The following SBNO1 variants were observed in gnomAD, a reference collection of about 807,000 sequenced individuals.
SBNO1 encodes protein strawberry notch homolog 1.
SBNO1 carries 23 observed loss-of-function variants against 173.6 expected under a neutral mutation model. That is an observed-to-expected ratio of 0.13 (90% confidence interval 0.10 to 0.19). The LOEUF (loss-of-function observed/expected upper bound fraction) is 0.19. Ranked by LOEUF, SBNO1 falls within the 10% of genes least tolerant of loss-of-function variation. The probability of loss-of-function intolerance (pLI) is 1.00; values close to 1 mark genes in which losing one functional copy is unlikely to be tolerated. For missense variants in SBNO1, 1,238 were observed against 1,671.2 expected, an observed-to-expected ratio of 0.74 and a Z score of 4.52; for synonymous variants, 632 against 571.5, an observed-to-expected ratio of 1.11 and a Z score of -1.51.
intron 9 of SBNO1, among the ~76,000 whole-genome samples, chr12:123,329,362 C>T (rs893629947): frequency 2.7e-5 from 4 of 148,494 alleles, no homozygotes; most frequent in African/African-American, 1.0e-4. Flanking sequence ...GCCTGGGCAA[C>T]AGAGCTGAGA....
At chr12:123,358,510 T>C (rs1373894393) in intron 1 of SBNO1, among the ~76,000 whole-genome samples, 1 of 151,776 alleles carries the variant, frequency 6.6e-6, no homozygotes, top group Admixed American at 6.6e-5. Flanking sequence ...TCCCAGCACT[T>C]TGGGAGGCCG....
chr12:123,360,800 A>G (rs1875062565), intron 1 of SBNO1, among the ~76,000 whole-genome samples: 1 of 152,036 alleles, frequency 6.6e-6, no homozygotes, highest in Non-Finnish European at 1.5e-5. Context: ...CTTTTTCAAC[A>G]GTACTTTCAG....
chr12:123,361,946 C>T (rs1359196755), intron 1 of SBNO1, among the ~76,000 whole-genome samples: 1 of 150,224 alleles, frequency 6.7e-6, no homozygotes, highest in Non-Finnish European at 1.5e-5. Flanking sequence ...TGAGACCAGC[C>T]TGGCCAATAT....
At chr12:123,314,087 A>T (rs1054624307) in intron 23 of SBNO1, among the ~76,000 whole-genome samples, 1 of 152,130 alleles carries the variant, frequency 6.6e-6, no homozygotes, top group Non-Finnish European at 1.5e-5. Context: ...ACTCCCTCTC[A>T]ACAAAACCCC....
chr12:123,362,150 G>C (rs1355067266), intron 1 of SBNO1, among the ~76,000 whole-genome samples: 2 of 129,450 alleles, frequency 1.5e-5, no homozygotes, highest in Non-Finnish European at 3.3e-5. Flanking sequence ...AAAAAAAAAA[G>C]ATTCTGTTGG....
At position 123,345,789 on chromosome 12, in the gene SBNO1, C is replaced by T. The variant is rs185808608; in HGVS notation, c.238-219G>A. ...GGCTCAAGTGATTCTTGTACCTCAA[C>T]CTCTGAAGTAGCTGGGACTACAGGT... On this transcript the variant is annotated intron_variant, in intron 3 of 31. Coordinates refer to ENST00000602398, the MANE Select transcript of SBNO1 (RefSeq NM_001167856.3). Among the ~76,000 whole-genome samples, 450 of 152,138 alleles carry T rather than the reference C, an allele frequency of 3.0e-3. 2 individuals are homozygous for T. Among genetic ancestry groups the T allele is most frequent in the African/African-American group, 0.01 (431 of 41,506 alleles).
At chr12:123,303,704 C>T (rs2048847813) in intron 29 of SBNO1, among the ~76,000 whole-genome samples, 1 of 151,862 alleles carries the variant, frequency 6.6e-6, no homozygotes, top group Non-Finnish European at 1.5e-5. Context: ...TGACACTTTC[C>T]TTAAACCAGG....
intron 19 of SBNO1, 121 bp downstream of exon 19, chr12:123,320,311 G>A (rs1212005044): frequency 2.9e-6 from 3 of 1,027,360 alleles, no homozygotes; most frequent in African/African-American, 3.2e-5. Context: ...GGCAACTAAA[G>A]TAGAACAAGA....
At chr12:123,308,323 A>G (rs866043537) in intron 28 of SBNO1, among the ~76,000 whole-genome samples, 1 of 152,212 alleles carries the variant, frequency 6.6e-6, no homozygotes, top group African/African-American at 2.4e-5. Flanking sequence ...TCTTAAAGAT[A>G]TAAAGCATTA....
At chr12:123,313,592 C>CA (rs1268082782) in intron 24 of SBNO1, 28 bp downstream of exon 24, 4 of 1,143,044 alleles carry the variant, frequency 3.5e-6, no homozygotes, top group Non-Finnish European at 5.2e-6. Flanking sequence ...TAATCATTGT[C>CA]ATTGTTATGA....
intron 30 of SBNO1, among the ~76,000 whole-genome samples, 162 bp from the exon 31 acceptor site, chr12:123,298,333 C>A (rs1473787162): frequency 6.6e-6 from 1 of 151,994 alleles, no homozygotes; most frequent in African/African-American, 2.4e-5. Flanking sequence ...GTGGTGCGAT[C>A]TCGGCTCATT....
intron 23 of SBNO1, among the ~76,000 whole-genome samples, chr12:123,315,053 T>TA (rs1869117094): frequency 6.6e-6 from 1 of 152,258 alleles, no homozygotes; most frequent in South Asian, 2.1e-4. Context: ...TTTATATATA[T>TA]TTTATACTGC....
chr12:123,308,151 G>C (rs2048966926), intron 28 of SBNO1, among the ~76,000 whole-genome samples: 1 of 152,124 alleles, frequency 6.6e-6, no homozygotes, highest in Non-Finnish European at 1.5e-5. Flanking sequence ...TCTTGGATCT[G>C]AGTAAGTAAA....
intron 1 of SBNO1, among the ~76,000 whole-genome samples, chr12:123,362,980 C>T (rs1360358037): frequency 3.3e-5 from 5 of 151,802 alleles, no homozygotes; most frequent in Admixed American, 2.0e-4. Context: ...CCAGCTACTC[C>T]GGAGGCTGAA....
chr12:123,327,277 C>G, intron 13 of SBNO1, 149 bp downstream of exon 13: 1 of 668,808 alleles, frequency 1.5e-6, no homozygotes, highest in Non-Finnish European at 2.5e-6. Flanking sequence ...TCCCAAAGTG[C>G]TGAGGCATGA....
intron 7 of SBNO1, among the ~76,000 whole-genome samples, chr12:123,333,754 T>C (rs1363118430): frequency 6.6e-6 from 1 of 152,110 alleles, no homozygotes; most frequent in Non-Finnish European, 1.5e-5. Flanking sequence ...CACCTCAGCC[T>C]CCCAAACTGT....
At chr12:123,302,214 T>C (rs1412945672) in intron 30 of SBNO1, among the ~76,000 whole-genome samples, 3 of 150,370 alleles carry the variant, frequency 2.0e-5, no homozygotes, top group Non-Finnish European at 4.4e-5. Context: ...ATTACAGGCG[T>C]AAGCCACCAC....
chr12:123,339,915 C>T (rs958333859), intron 5 of SBNO1, among the ~76,000 whole-genome samples: 1 of 152,120 alleles, frequency 6.6e-6, no homozygotes, highest in Admixed American at 6.6e-5. Flanking sequence ...CACTACCTCC[C>T]CTCTGTGCCC....
In SBNO1 at chr12:123,320,419, C is replaced by G; in HGVS notation, c.2667+13G>C. The G allele has an allele frequency of 1.2e-6, 2 of 1,602,748 alleles. No individual in the cohort carries two copies. Among genetic ancestry groups the G allele is most frequent in the Non-Finnish European group, 8.5e-7 (1 of 1,174,874 alleles). ...ATGGCAAAAATGTCACCAAGAGATA[C>G]AGGCCTATTTACCTCAGCAACGTTC... On this transcript the variant is annotated intron_variant, in intron 19 of 31. Transcript: ENST00000602398.
Sources: gnomAD v4.1 joint callset for allele counts (sites outside exome capture counted in the v4.1 genomes callset) on GRCh38, gnomAD v4.1.1 for gene constraint, MANE v1.5 for transcripts, NCBI Gene and HGNC (gene_info 2026-07-23, HGNC 2026-07-21) for gene names.